Variants in SAMD5 observed in about 807,000 individuals in gnomAD.
The protein encoded by SAMD5 is sterile alpha motif domain containing 5.
Under a neutral mutation model 11.3 loss-of-function variants are expected in SAMD5, and 13 were observed. The observed-to-expected ratio is 1.15, with a 90% confidence interval of 0.75 to 1.83. The LOEUF (loss-of-function observed/expected upper bound fraction) is 1.83, where lower values mean the gene tolerates loss of function less well. SAMD5 is among the 40% of genes most tolerant of loss of function. The pLI is 0.00. For missense variants in SAMD5, 255 were observed against 239.1 expected (o/e 1.07, Z -0.44); for synonymous variants, 129 against 111.3 (o/e 1.16, Z -1.00).
At chr6:147,889,759 G>A in the SAMD5 span, among the ~76,000 whole-genome samples, 1 of 152,202 alleles carries the variant, frequency 6.6e-6, no homozygotes, top group African/African-American at 2.4e-5. Flanking sequence ...GTGGACTCCA[G>A]GCATTTGTTT....
intron 1 of SAMD5, 50 bp downstream of exon 1, chr6:147,509,437 C>T: frequency 3.4e-6 from 5 of 1,470,364 alleles, no homozygotes; most frequent in Non-Finnish European, 4.5e-6. Context: ...GGAGGGGACA[C>T]AGCCCAGCTG....
chr6:147,546,944 T>G (rs1003997370), intron 1 of SAMD5, among the ~76,000 whole-genome samples: 12 of 152,206 alleles, frequency 7.9e-5, no homozygotes, highest in Non-Finnish European at 1.2e-4. Flanking sequence ...CCTCTTTCTT[T>G]CTTTAGAGTA....
intron 1 of SAMD5, among the ~76,000 whole-genome samples, chr6:147,618,472 T>C (rs1583108925): frequency 6.6e-6 from 1 of 152,320 alleles, no homozygotes; most frequent in East Asian, 1.9e-4. Context: ...CTCTGGGAAG[T>C]AGGCTGGTCC....
chr6:147,824,775 A>C, the SAMD5 span, among the ~76,000 whole-genome samples: 1 of 152,226 alleles, frequency 6.6e-6, no homozygotes, highest in African/African-American at 2.4e-5. Context: ...TTAGTAAACT[A>C]AGATTGTTTG....
At chr6:147,510,050 A>G (rs1289440799) in intron 1 of SAMD5, among the ~76,000 whole-genome samples, 3 of 152,224 alleles carry the variant, frequency 2.0e-5, no homozygotes, top group Non-Finnish European at 4.4e-5. Flanking sequence ...ATCGGGCCAC[A>G]GGATGTGCTT....
the SAMD5 span, among the ~76,000 whole-genome samples, chr6:147,803,131 CTGTGTGTGTGTGTG>C: frequency 8.7e-3 from 1,185 of 136,802 alleles, 15 homozygotes; most frequent in Admixed American, 0.038. Context: ...GCCTTCCTTT[CTGTGTGTGTGTGTG>C]TGTGTGTGTG....
chr6:147,769,651 T>C, the SAMD5 span, among the ~76,000 whole-genome samples: 1 of 152,210 alleles, frequency 6.6e-6, no homozygotes, highest in African/African-American at 2.4e-5. Flanking sequence ...GTTCCCAAGG[T>C]CTAAATAATG....
At chr6:147,859,883 C>T in the SAMD5 span, among the ~76,000 whole-genome samples, 1 of 152,070 alleles carries the variant, frequency 6.6e-6, no homozygotes, top group East Asian at 1.9e-4. Flanking sequence ...TTGTGTCTGT[C>T]CATATTTAAA....
intron 1 of SAMD5, among the ~76,000 whole-genome samples, chr6:147,719,111 T>A (rs931512327): frequency 1.3e-5 from 2 of 152,196 alleles, no homozygotes; most frequent in African/African-American, 4.8e-5. Context: ...GCTTCATGTA[T>A]CAGTTGGAGT....
the SAMD5 span, among the ~76,000 whole-genome samples, chr6:147,918,255 G>A: frequency 0.014 from 2,198 of 152,192 alleles, 60 homozygotes; most frequent in African/African-American, 0.051. Context: ...GTGGTTTGTA[G>A]TTCTGCTTGA....
intron 1 of SAMD5, among the ~76,000 whole-genome samples, chr6:147,634,514 C>A (rs944308325): frequency 1.3e-5 from 2 of 152,162 alleles, no homozygotes; most frequent in African/African-American, 4.8e-5. Context: ...AAAAATTCAA[C>A]CATAGCAAGA....
chr6:147,815,361 A>G, the SAMD5 span, among the ~76,000 whole-genome samples: 3 of 152,238 alleles, frequency 2.0e-5, no homozygotes, highest in Non-Finnish European at 4.4e-5. Flanking sequence ...ACGTGATAGT[A>G]TAACCCTTTA....
the SAMD5 span, among the ~76,000 whole-genome samples, chr6:147,879,635 G>T: frequency 6.6e-6 from 1 of 152,192 alleles, no homozygotes; most frequent in African/African-American, 2.4e-5. Flanking sequence ...TGATCGAAAT[G>T]CTATTATTAA....
chr6:147,842,274 CTT>C, the SAMD5 span, among the ~76,000 whole-genome samples: 1 of 152,074 alleles, frequency 6.6e-6, no homozygotes, highest in Non-Finnish European at 1.5e-5. Context: ...ACCTAACACG[CTT>C]TCTCTCCAAA....
intron 1 of SAMD5, among the ~76,000 whole-genome samples, chr6:147,658,642 T>C (rs924674781): frequency 6.6e-6 from 1 of 150,750 alleles, no homozygotes; most frequent in African/African-American, 2.4e-5. Context: ...ATGGGTGAGA[T>C]TGTCATCTCC....
Position 147,569,805 on chromosome 6 carries a change from C to G in SAMD5, c.*5349C>G, listed in dbSNP as rs1789108054. 1.0e-5 allele frequency: 10 copies of G among 985,176 alleles called. No homozygotes were observed. The highest frequency in any genetic ancestry group is 1.2e-5 in the Non-Finnish European group (10 of 829,680). The allele number at this position is 985,176 out of a possible 1,614,324, so 61.0% of individuals were successfully genotyped here. A position where few individuals can be genotyped will look rare whatever the true frequency, so the allele number is the denominator to read the frequency against. On this transcript the variant is annotated 3_prime_UTR_variant, in exon 2 of 2. Transcript: ENST00000367474. The stretch of plus-strand genomic sequence containing the variant: ...ATATCTGAGTAGCGAAGCACAGATT[C>G]ACTCTAATTGAAAGCAGCAGTTTGG...
At chr6:147,808,167 A>C in the SAMD5 span, among the ~76,000 whole-genome samples, 41 of 152,322 alleles carry the variant, frequency 2.7e-4, no homozygotes, top group Middle Eastern at 3.4e-3. Context: ...ACCACTGAAC[A>C]ACTTGTGGCT....
chr6:147,788,018 T>C, the SAMD5 span, among the ~76,000 whole-genome samples: 1 of 152,188 alleles, frequency 6.6e-6, no homozygotes, highest in African/African-American at 2.4e-5. Context: ...TCTTTTAATG[T>C]GAGACAGTAA....
chr6:147,834,580 C>T, the SAMD5 span, among the ~76,000 whole-genome samples: 2 of 152,178 alleles, frequency 1.3e-5, no homozygotes, highest in Non-Finnish European at 2.9e-5. Context: ...CTGATATGTG[C>T]ACTCATTTGT....
Sources: allele counts gnomAD v4.1 joint callset (sites outside exome capture counted in the v4.1 genomes callset), GRCh38; gene constraint gnomAD v4.1.1; transcripts MANE v1.5; gene names NCBI Gene and HGNC (gene_info 2026-07-23, HGNC 2026-07-21).